The following SLC17A1 variants were observed in gnomAD, a reference collection of about 807,000 sequenced individuals.
SLC17A1 encodes sodium-dependent phosphate transport protein 1.
In SLC17A1, 51 loss-of-function variants were observed where a neutral mutation model predicts 53.5. The observed-to-expected ratio is 0.95, with a 90% confidence interval of 0.76 to 1.20. The LOEUF is 1.20. Among genes scored for constraint, SLC17A1 ranks in the 50% most tolerant of loss-of-function variants. The probability of loss-of-function intolerance (pLI) is 0.00; values close to 1 mark genes in which losing one functional copy is unlikely to be tolerated. For synonymous variants in SLC17A1, 179 were observed against 198.8 expected, an observed-to-expected ratio of 0.90 and a Z score of 0.84; for missense variants, 538 against 568.2, an observed-to-expected ratio of 0.95 and a Z score of 0.54.
Position 25,813,952 on chromosome 6 carries a change from T to C in SLC17A1, c.617-739A>G, listed in dbSNP as rs577212345. 2.6e-5 allele frequency among the ~76,000 whole-genome samples: 4 copies of C among 152,356 alleles called. No individual in the cohort carries two copies. The South Asian group carries it at 8.3e-4, about 32-fold the overall frequency. ...TGGCTGCATAGTATTCAATGGTGTA[T>C]ATGTACCATATTTTGTTTATCCAGT... On this transcript the variant is annotated intron_variant, in intron 6 of 12. Transcript: ENST00000244527.
downstream of SLC17A1, chr6:25,781,298 C>G (rs1197538957): frequency 6.6e-6 from 1 of 150,480 alleles, no homozygotes; most frequent in Admixed American, 6.6e-5. Flanking sequence ...AAAGAAAGGG[C>G]CTGAAAGATA....
intron 10 of SLC17A1, among the ~76,000 whole-genome samples, chr6:25,805,886 C>CCAACAACAA (rs373740774): frequency 6.6e-6 from 1 of 151,334 alleles, no homozygotes; most frequent in East Asian, 1.9e-4. Context: ...TAAAAAATTG[C>CCAACAACAA]CAACAACAAC....
chr6:25,778,286 C>A (rs983485892), downstream of SLC17A1, among the ~76,000 whole-genome samples: 6 of 151,836 alleles, frequency 4.0e-5, no homozygotes, highest in Non-Finnish European at 8.8e-5. Flanking sequence ...TGCCATATAC[C>A]ATTCACTTAC....
intron 10 of SLC17A1, among the ~76,000 whole-genome samples, chr6:25,806,730 A>G (rs763179913): frequency 2.6e-5 from 4 of 152,190 alleles, no homozygotes; most frequent in Non-Finnish European, 4.4e-5. Flanking sequence ...TAATTATCAG[A>G]GTAAACAGAT....
chr6:25,769,278 A>G, the SLC17A1 span: 2 of 1,225,628 alleles, frequency 1.6e-6, no homozygotes, highest in Admixed American at 4.2e-5. Flanking sequence ...TTTAACCACT[A>G]AGTATTTACT....
the SLC17A1 span, among the ~76,000 whole-genome samples, chr6:25,728,909 C>G: frequency 6.6e-6 from 1 of 152,212 alleles, no homozygotes; most frequent in African/African-American, 2.4e-5. Context: ...CTGCAAAGCC[C>G]CTGCATGCTT....
the SLC17A1 span, among the ~76,000 whole-genome samples, chr6:25,728,098 C>CT: frequency 5.3e-5 from 8 of 152,108 alleles, no homozygotes; most frequent in Admixed American, 5.2e-4. Context: ...CATAATAAAA[C>CT]TAAAAAGCGC....
At chr6:25,813,583 T>G (rs1764236705) in intron 6 of SLC17A1, among the ~76,000 whole-genome samples, 1 of 152,204 alleles carries the variant, frequency 6.6e-6, no homozygotes, top group South Asian at 2.1e-4. Flanking sequence ...GTTTTGTTTT[T>G]AATGTTTAAG....
downstream of SLC17A1, chr6:25,781,207 A>AAGAGAG (rs1187986077): frequency 2.5e-5 from 3 of 119,546 alleles, no homozygotes; most frequent in African/African-American, 9.0e-5. Flanking sequence ...AAAGAAAAGA[A>AAGAGAG]AGAGAGAGAG....
At chr6:25,740,250 A>G in the SLC17A1 span, among the ~76,000 whole-genome samples, 81 of 152,184 alleles carry the variant, frequency 5.3e-4, 1 homozygote, top group Non-Finnish European at 2.9e-5. Flanking sequence ...ACTGACTGAC[A>G]TAAGGGAAGA....
chr6:25,811,670 A>T lies in SLC17A1; in HGVS notation c.998T>A (p.Val333Glu), dbSNP rs1207366892. ...DFFLTRNILS[V>E]IAVRKLFTAA... is the part of the protein sequence containing the mutation. The stretch of plus-strand genomic sequence containing the variant: ...TGTGAAGAGTTTCCGGACAGCAATT[A>T]CGCTGAGAATATTCCTGGTCAGGAA... The change falls in exon 9 of 13, where the codon GTA (valine) becomes GAA (glutamate). Residue 333 changes from valine (V) to glutamate (E), a missense_variant. Physicochemically the swap from Val to Glu is moderately radical, Grantham distance 121. Coordinates refer to ENST00000244527, the MANE Select transcript of SLC17A1 (RefSeq NM_005074.5). The T allele has an allele frequency of 4.3e-6, 7 of 1,613,834 alleles. No homozygotes were observed. The highest frequency in any genetic ancestry group is 5.9e-6 in the Non-Finnish European group (7 of 1,179,868).
intron 10 of SLC17A1, 150 bp downstream of exon 10, chr6:25,811,248 G>A (rs545714440): frequency 1.3e-6 from 1 of 761,892 alleles, no homozygotes; most frequent in East Asian, 2.7e-5. Context: ...ACACAAAAAT[G>A]CTAAGTGTGT....
chr6:25,789,270 T>C lies in SLC17A1; in HGVS notation c.*3-6052A>G, dbSNP rs138072745. Among the ~76,000 whole-genome samples the C allele has an allele frequency of 1.7e-3, 260 of 152,206 alleles. 1 individual carries two copies. The highest frequency in any genetic ancestry group is 5.9e-3 in the African/African-American group (247 of 41,530). ...ATGAAGAACCTCCAACTGGCCAAAA[T>C]TGAGACAAATTGAGCATCAAAGTAA... On this transcript the variant is annotated intron_variant, in intron 12 of 12. Transcript: ENST00000244527.
chr6:25,749,590 A>C, the SLC17A1 span, among the ~76,000 whole-genome samples: 3 of 152,232 alleles, frequency 2.0e-5, no homozygotes, highest in African/African-American at 7.2e-5. Context: ...GTAATGGCTT[A>C]AACAAATAGA....
At chr6:25,746,696 C>A in the SLC17A1 span, among the ~76,000 whole-genome samples, 25 of 152,166 alleles carry the variant, frequency 1.6e-4, no homozygotes, top group Non-Finnish European at 2.6e-4. Context: ...CAGTATCATA[C>A]TTTTGGATGA....
At chr6:25,770,854 A>C in the SLC17A1 span, 2 of 1,179,122 alleles carry the variant, frequency 1.7e-6, no homozygotes, top group Non-Finnish European at 2.5e-6. Context: ...TGTGCAACTC[A>C]GCATTGTAGA....
intron 10 of SLC17A1, among the ~76,000 whole-genome samples, chr6:25,805,144 C>G (rs1763911314): frequency 6.6e-6 from 1 of 152,006 alleles, no homozygotes; most frequent in Non-Finnish European, 1.5e-5. Flanking sequence ...ACAAAAAAGT[C>G]TCAACAAATT....
chr6:25,726,706 A>G, the SLC17A1 span: 1 of 1,058,228 alleles, frequency 9.4e-7, no homozygotes, highest in Non-Finnish European at 1.4e-6. Context: ...TTGTCCAATC[A>G]GATTTTGGAT....
intron 2 of SLC17A1, among the ~76,000 whole-genome samples, chr6:25,827,789 C>T (rs906166201): frequency 1.3e-5 from 2 of 152,164 alleles, no homozygotes; most frequent in Non-Finnish European, 2.9e-5. Flanking sequence ...AGTGTGTATA[C>T]ACCAGGGGCT....
Sources: allele counts gnomAD v4.1 joint callset (sites outside exome capture counted in the v4.1 genomes callset), GRCh38; gene constraint gnomAD v4.1.1; transcripts MANE v1.5; gene names NCBI Gene and HGNC (gene_info 2026-07-23, HGNC 2026-07-21).